CCSER1: variants seen among roughly 807,000 people sequenced by gnomAD.
CCSER1 encodes coiled-coil serine rich protein 1.
A neutral mutation model predicts 82.0 loss-of-function variants in CCSER1; 41 were observed. The ratio of observed to expected loss-of-function variants is 0.50; its 90% confidence interval spans 0.39 to 0.65. CCSER1 has a LOEUF of 0.65. Among genes scored for constraint, CCSER1 ranks in the 30% least tolerant of loss-of-function variants. The pLI, the probability that CCSER1 is intolerant of heterozygous loss-of-function variation, is 0.00. For synonymous variants in CCSER1, 414 were observed against 383.9 expected, an observed-to-expected ratio of 1.08 and a Z score of -0.92; for missense variants, 1,119 against 1,064.2, an observed-to-expected ratio of 1.05 and a Z score of -0.72.
intron 3 of CCSER1, among the ~76,000 whole-genome samples, chr4:90,363,618 A>T (rs566874646): frequency 0.018 from 2,640 of 150,800 alleles, 48 homozygotes; most frequent in African/African-American, 0.046. Flanking sequence ...GAAAAAAAAA[A>T]TCTTAAGATT....
intron 8 of CCSER1, among the ~76,000 whole-genome samples, chr4:90,920,957 C>G (rs1171696612): frequency 6.6e-6 from 1 of 151,600 alleles, no homozygotes; most frequent in Non-Finnish European, 1.5e-5. Flanking sequence ...ACTGAAAATA[C>G]ATGATGATAC....
intron 10 of CCSER1, among the ~76,000 whole-genome samples, chr4:91,281,096 C>A (rs533524411): frequency 6.6e-6 from 1 of 152,224 alleles, no homozygotes; most frequent in African/African-American, 2.4e-5. Flanking sequence ...AAATGTAGAC[C>A]ACTGGTAGTC....
At chr4:90,868,471 G>T (rs1290690552) in intron 8 of CCSER1, among the ~76,000 whole-genome samples, 3 of 151,804 alleles carry the variant, frequency 2.0e-5, no homozygotes, top group Non-Finnish European at 4.4e-5. Flanking sequence ...TACATGCCTG[G>T]CTAATTTCAT....
chr4:90,950,926 AGT>A (rs1732841401), intron 9 of CCSER1, among the ~76,000 whole-genome samples: 1 of 152,094 alleles, frequency 6.6e-6, no homozygotes, highest in South Asian at 2.1e-4. Context: ...ATCACAAACT[AGT>A]GTGATATCTT....
chr4:91,018,563 G>A (rs1188906103), intron 9 of CCSER1, among the ~76,000 whole-genome samples: 2 of 151,814 alleles, frequency 1.3e-5, no homozygotes, highest in African/African-American at 4.8e-5. Flanking sequence ...CAACCCTTAG[G>A]GTAACATAAC....
chr4:91,403,718 A>G (rs894755154), intron 10 of CCSER1, among the ~76,000 whole-genome samples: 5 of 152,148 alleles, frequency 3.3e-5, no homozygotes, highest in Admixed American at 2.0e-4. Context: ...TGTATGTTGA[A>G]CCAGCCTTGC....
intron 3 of CCSER1, among the ~76,000 whole-genome samples, chr4:90,352,054 G>A (rs1743547636): frequency 1.3e-5 from 2 of 152,234 alleles, no homozygotes; most frequent in South Asian, 2.1e-4. Flanking sequence ...GCCGGGCGCA[G>A]CGGCTCACGC....
intron 10 of CCSER1, among the ~76,000 whole-genome samples, chr4:91,524,952 A>AT (rs1269604356): frequency 6.6e-6 from 1 of 152,112 alleles, no homozygotes; most frequent in Non-Finnish European, 1.5e-5. Context: ...AATTATTTTC[A>AT]TTAGGAAATC....
At chr4:90,693,736 G>T (rs551221819) in intron 6 of CCSER1, among the ~76,000 whole-genome samples, 1 of 151,992 alleles carries the variant, frequency 6.6e-6, no homozygotes, top group South Asian at 2.1e-4. Context: ...ATAAGATATA[G>T]ATATGGCTTT....
chr4:90,371,844 T>C (rs1747486546), intron 3 of CCSER1, among the ~76,000 whole-genome samples: 1 of 152,166 alleles, frequency 6.6e-6, no homozygotes, highest in Non-Finnish European at 1.5e-5. Context: ...CCTGTGTCAA[T>C]CTATTATAAA....
intron 10 of CCSER1, among the ~76,000 whole-genome samples, chr4:91,543,668 C>A (rs1419559865): frequency 1.3e-5 from 2 of 152,148 alleles, no homozygotes; most frequent in African/African-American, 4.8e-5. Flanking sequence ...ACCCAGAGAT[C>A]CACTGTTAGC....
chr4:91,153,633 T>C (rs1010695359), intron 10 of CCSER1, among the ~76,000 whole-genome samples: 2 of 151,850 alleles, frequency 1.3e-5, no homozygotes, highest in African/African-American at 2.4e-5. Flanking sequence ...CTCCCCATCT[T>C]TGTGGTTTTA....
At chr4:91,371,369 A>G (rs78859921) in intron 10 of CCSER1, among the ~76,000 whole-genome samples, 14,448 of 150,652 alleles carry the variant, frequency 0.096, 2,311 homozygotes, top group African/African-American at 0.33. Flanking sequence ...CCATGAGCTC[A>G]GTTGTTTTAA....
intron 8 of CCSER1, among the ~76,000 whole-genome samples, chr4:90,917,641 A>G (rs1727696059): frequency 6.6e-6 from 1 of 152,154 alleles, no homozygotes; most frequent in Non-Finnish European, 1.5e-5. Context: ...GTGCACATGT[A>G]CCCTAGAACT....
At chr4:91,086,362 T>C (rs1723394599) in intron 10 of CCSER1, among the ~76,000 whole-genome samples, 1 of 152,106 alleles carries the variant, frequency 6.6e-6, no homozygotes. Flanking sequence ...ATGCAAATAT[T>C]TTATGACATT....
At chr4:90,217,814 G>T (rs1264758851) in intron 1 of CCSER1, among the ~76,000 whole-genome samples, 1 of 150,910 alleles carries the variant, frequency 6.6e-6, no homozygotes, top group Non-Finnish European at 1.5e-5. Context: ...TTGTTTTTTT[G>T]AGACAGGATC....
At chr4:90,178,808 T>C (rs911080202) in intron 1 of CCSER1, among the ~76,000 whole-genome samples, 1 of 152,180 alleles carries the variant, frequency 6.6e-6, no homozygotes, top group Non-Finnish European at 1.5e-5. Flanking sequence ...GTGATTAAAT[T>C]ATGGACATAT....
At chr4:91,299,428 A>G (rs995819193) in intron 10 of CCSER1, among the ~76,000 whole-genome samples, 3 of 152,052 alleles carry the variant, frequency 2.0e-5, no homozygotes, top group African/African-American at 7.2e-5. Context: ...ACATTCATCT[A>G]GTACTTGCAA....
chr4:90,493,379 G>A (rs890621788), intron 5 of CCSER1, among the ~76,000 whole-genome samples: 9 of 152,106 alleles, frequency 5.9e-5, no homozygotes, highest in Non-Finnish European at 1.2e-4. Flanking sequence ...GCCTAGAAAG[G>A]CAGGCCAACA....
Sources: gnomAD v4.1 joint callset for allele counts (sites outside exome capture counted in the v4.1 genomes callset) on GRCh38, gnomAD v4.1.1 for gene constraint, MANE v1.5 for transcripts, NCBI Gene and HGNC (gene_info 2026-07-23, HGNC 2026-07-21) for gene names.